The following TSPAN15 variants were observed in gnomAD, a reference collection of about 807,000 sequenced individuals.
TSPAN15 encodes tetraspanin 15.
Under a neutral mutation model 34.5 loss-of-function variants are expected in TSPAN15, and 20 were observed. That is an observed-to-expected ratio of 0.58 (90% CI 0.41 to 0.84). The LOEUF (loss-of-function observed/expected upper bound fraction) is 0.84, where lower values mean the gene tolerates loss of function less well. TSPAN15 is among the 40% of genes least tolerant of loss of function. TSPAN15 has a pLI of 0.00. For missense variants in TSPAN15, 313 were observed against 386.1 expected, an observed-to-expected ratio of 0.81 and a Z score of 1.59; for synonymous variants, 155 against 153.9, an observed-to-expected ratio of 1.01 and a Z score of -0.05.
At chr10:69,514,876 G>A in the TSPAN15 span, among the ~76,000 whole-genome samples, 1 of 152,092 alleles carries the variant, frequency 6.6e-6, no homozygotes, top group African/African-American at 2.4e-5. Flanking sequence ...CTCCTCTCCG[G>A]CCCCTGCCCT....
chr10:69,523,806 A>G, the TSPAN15 span, among the ~76,000 whole-genome samples: 278 of 148,438 alleles, frequency 1.9e-3, 18 homozygotes, highest in African/African-American at 6.4e-3. Context: ...TGATTACTGT[A>G]GCTTTGTAGT....
At chr10:69,464,121 C>A (rs1469427512) in intron 1 of TSPAN15, among the ~76,000 whole-genome samples, 1 of 152,232 alleles carries the variant, frequency 6.6e-6, no homozygotes, top group African/African-American at 2.4e-5. Flanking sequence ...CTGGAGGAGG[C>A]AAGAGGGCTT....
chr10:69,516,478 C>T, the TSPAN15 span, among the ~76,000 whole-genome samples: 1 of 152,196 alleles, frequency 6.6e-6, no homozygotes, highest in Non-Finnish European at 1.5e-5. Flanking sequence ...TAGACAGCTG[C>T]AGAGGGGCCT....
intron 1 of TSPAN15, among the ~76,000 whole-genome samples, chr10:69,482,083 C>A (rs550921470): frequency 0.019 from 2,754 of 146,336 alleles, 103 homozygotes; most frequent in African/African-American, 0.066. Context: ...AAAAAAAAAA[C>A]CAACCAGAAA....
chr10:69,539,830 G>A, the TSPAN15 span, among the ~76,000 whole-genome samples: 2 of 152,196 alleles, frequency 1.3e-5, no homozygotes, highest in East Asian at 3.9e-4. Context: ...AAGAAGATGG[G>A]AAAGAGTGTA....
At chr10:69,480,876 T>A (rs959171746) in intron 1 of TSPAN15, among the ~76,000 whole-genome samples, 2 of 152,168 alleles carry the variant, frequency 1.3e-5, no homozygotes, top group Non-Finnish European at 2.9e-5. Flanking sequence ...TTTTGTATTT[T>A]TAGTAGAGAA....
chr10:69,497,797 T>A (rs1842118285), intron 4 of TSPAN15, among the ~76,000 whole-genome samples: 1 of 152,016 alleles, frequency 6.6e-6, no homozygotes, highest in African/African-American at 2.4e-5. Context: ...CCAGGCAGGT[T>A]GTGAGGTGTG....
At chr10:69,504,274 TGATG>T (rs1842277365) in intron 5 of TSPAN15, among the ~76,000 whole-genome samples, 160 bp from the exon 6 acceptor site, 1 of 152,102 alleles carries the variant, frequency 6.6e-6, no homozygotes, top group Admixed American at 6.5e-5. Context: ...GAGGTGGTTA[TGATG>T]GAGACTCAAG....
chr10:69,471,397 C>A (rs932049255), intron 1 of TSPAN15, among the ~76,000 whole-genome samples: 10 of 152,202 alleles, frequency 6.6e-5, no homozygotes, highest in South Asian at 2.1e-4. Flanking sequence ...AGGAGCAGAT[C>A]TGAGAATCCA....
At chr10:69,491,666 C>T (rs74139149) in intron 3 of TSPAN15, among the ~76,000 whole-genome samples, 1 of 152,324 alleles carries the variant, frequency 6.6e-6, no homozygotes, top group African/African-American at 2.4e-5. Context: ...ACCAGCTTCT[C>T]CTCCAAGTTT....
At chr10:69,500,574 G>A (rs1003569332) in intron 5 of TSPAN15, among the ~76,000 whole-genome samples, 1 of 152,166 alleles carries the variant, frequency 6.6e-6, no homozygotes, top group Non-Finnish European at 1.5e-5. Context: ...AACCTAGGAA[G>A]AGCCAGCATT....
Position 69,451,569 on chromosome 10 carries a change from C to G in TSPAN15, c.-26C>G, listed in dbSNP as rs752357991. The G allele has an allele frequency of 8.4e-6, 12 of 1,431,176 alleles. No individual in the cohort carries two copies. The highest frequency in any genetic ancestry group is 5.3e-5 in the Admixed American group (2 of 37,650). 88.7% of individuals were successfully genotyped at this position (1,431,176 alleles called of 1,614,324 possible). A position where few individuals can be genotyped will look rare whatever the true frequency, so the allele number is the denominator to read the frequency against. ...CCGAGCCGGAGAGCCCCGGAGCCCCCGTAACCCGCGCGGGGAGCGCCCAGG... is the reference window on the plus strand; with the variant it reads ...CCGAGCCGGAGAGCCCCGGAGCCCCGGTAACCCGCGCGGGGAGCGCCCAGG... On this transcript the variant is annotated 5_prime_UTR_variant, in exon 1 of 8. Transcript: ENST00000373290.
chr10:69,496,704 GT>G (rs1842092513), intron 4 of TSPAN15, among the ~76,000 whole-genome samples: 3 of 152,200 alleles, frequency 2.0e-5, no homozygotes, highest in Admixed American at 2.0e-4. Context: ...CCAGCTCTCA[GT>G]GGGGACTAGC....
Position 69,451,580 on chromosome 10 carries a change from CG to C in TSPAN15, c.-11del. The C allele has an allele frequency of 2.1e-6, 3 of 1,449,090 alleles. No homozygotes were observed. The highest frequency in any genetic ancestry group is 2.6e-5 in the Admixed American group (1 of 39,112). 89.8% of individuals were successfully genotyped at this position (1,449,090 alleles called of 1,614,324 possible). A position where few individuals can be genotyped will look rare whatever the true frequency, so the allele number is the denominator to read the frequency against. On this transcript the variant is annotated 5_prime_UTR_variant, in exon 1 of 8. Coordinates refer to ENST00000373290, the MANE Select transcript of TSPAN15 (RefSeq NM_012339.5). The stretch of plus-strand genomic sequence containing the variant: ...AGCCCCGGAGCCCCCGTAACCCGCG[CG>C]GGGAGCGCCCAGGATGCCGCGCGGG...
intron 3 of TSPAN15, chr10:69,495,196 T>G (rs1442438431): frequency 5.8e-6 from 1 of 173,828 alleles, no homozygotes. Context: ...GATTCCAGCG[T>G]GGGCCCATCC....
chr10:69,488,710 G>C (rs1160541492), intron 3 of TSPAN15, among the ~76,000 whole-genome samples: 6 of 152,192 alleles, frequency 3.9e-5, no homozygotes, highest in Non-Finnish European at 7.3e-5. Context: ...GATTTCAAAA[G>C]GGGAGGGGGT....
At chr10:69,515,736 A>C in the TSPAN15 span, among the ~76,000 whole-genome samples, 1 of 152,214 alleles carries the variant, frequency 6.6e-6, no homozygotes, top group Admixed American at 6.5e-5. Flanking sequence ...CCTGATTTGC[A>C]GTCCTAAAGC....
At chr10:69,459,122 A>C (rs1047361086) in intron 1 of TSPAN15, among the ~76,000 whole-genome samples, 2 of 57,160 alleles carry the variant, frequency 3.5e-5, no homozygotes, top group East Asian at 2.7e-4. Flanking sequence ...AAAAAAAAAA[A>C]AAACAACAAC....
chr10:69,464,970 G>A (rs917626473), intron 1 of TSPAN15, among the ~76,000 whole-genome samples: 39 of 152,216 alleles, frequency 2.6e-4, no homozygotes, highest in African/African-American at 9.4e-4. Context: ...ACCCAGGCTG[G>A]GGGAACCCTG....
Sources: gnomAD v4.1 joint callset for allele counts (sites outside exome capture counted in the v4.1 genomes callset) on GRCh38, gnomAD v4.1.1 for gene constraint, MANE v1.5 for transcripts, NCBI Gene and HGNC (gene_info 2026-07-23, HGNC 2026-07-21) for gene names.